The following C8orf34 variants were observed in gnomAD, a reference collection of about 807,000 sequenced individuals.
C8orf34 encodes uncharacterized protein C8orf34.
A neutral mutation model predicts 68.3 loss-of-function variants in C8orf34; 65 were observed. The ratio of observed to expected loss-of-function variants is 0.95; its 90% CI spans 0.78 to 1.17. The LOEUF is 1.17. C8orf34 is among the 50% of genes most tolerant of loss of function. The probability of loss-of-function intolerance (pLI) is 0.00; values close to 1 mark genes in which losing one functional copy is unlikely to be tolerated. For missense variants in C8orf34, 664 were observed against 655.4 expected (o/e 1.01, Z -0.14); for synonymous variants, 244 against 241.2 (o/e 1.01, Z -0.11).
Position 68,374,909 on chromosome 8 carries a change from T to C in C8orf34, c.327+43570T>C, listed in dbSNP as rs572805188. Among the ~76,000 whole-genome samples the C allele has an allele frequency of 2.0e-5, 3 of 152,322 alleles. No individual in the cohort carries two copies. In the South Asian group the frequency reaches 6.2e-4, roughly 32 times the overall value. On this transcript the variant is annotated intron_variant, in intron 1 of 13. Coordinates refer to ENST00000518698, the MANE Select transcript of C8orf34 (RefSeq NM_052958.4). ...ATGATAAAGTAAGGTAAATATTCTCTACCTTAATGTGTTGTTGTGAAGATT... is the reference window on the plus strand; with the variant it reads ...ATGATAAAGTAAGGTAAATATTCTCCACCTTAATGTGTTGTTGTGAAGATT...
At chr8:68,791,012 T>A (rs1217036376) in intron 12 of C8orf34, 1 of 596,990 alleles carries the variant, frequency 1.7e-6, no homozygotes, top group African/African-American at 1.9e-5. Context: ...CATCTATAAA[T>A]AAGTTTGAAT....
At position 68,548,013 on chromosome 8, in the gene C8orf34, C is replaced by G. The variant is rs73268437; in HGVS notation, c.1105+14864C>G. ...AATAAATGTAAAGAAAGAGAATGAACTTTGACCCTCTACGCCACAACAAAC... is the reference window on the plus strand; with the variant it reads ...AATAAATGTAAAGAAAGAGAATGAAGTTTGACCCTCTACGCCACAACAAAC... On this transcript the variant is annotated intron_variant, in intron 7 of 13. Coordinates refer to ENST00000518698, the MANE Select transcript of C8orf34 (RefSeq NM_052958.4). Among the ~76,000 whole-genome samples the G allele has an allele frequency of 8.2e-3, 1,252 of 151,810 alleles. 21 individuals carry two copies. The highest frequency in any genetic ancestry group is 0.028 in the African/African-American group (1,148 of 41,488).
intron 4 of C8orf34, among the ~76,000 whole-genome samples, chr8:68,471,653 C>A (rs931816160): frequency 1.3e-5 from 2 of 152,060 alleles, no homozygotes; most frequent in African/African-American, 2.4e-5. Context: ...CCTCCAGGTA[C>A]CTTCATAAGG....
intron 7 of C8orf34, chr8:68,535,546 T>C: frequency 2.2e-6 from 2 of 890,674 alleles, no homozygotes; most frequent in Non-Finnish European, 2.7e-6. Context: ...CTAGTAGAAG[T>C]TAGTAATAAC....
At chr8:68,756,849 T>C (rs1269500127) in intron 10 of C8orf34, among the ~76,000 whole-genome samples, 1 of 152,192 alleles carries the variant, frequency 6.6e-6, no homozygotes, top group Non-Finnish European at 1.5e-5. Flanking sequence ...AGGACTAGCT[T>C]GTTGCTCTAT....
At chr8:68,393,216 ATCTT>A (rs1464824908) in intron 1 of C8orf34, among the ~76,000 whole-genome samples, 1 of 152,108 alleles carries the variant, frequency 6.6e-6, no homozygotes, top group African/African-American at 2.4e-5. Context: ...TAAAGTCTTA[ATCTT>A]TTTCTAATAT....
chr8:68,483,043 A>T (rs1196766872), intron 4 of C8orf34, among the ~76,000 whole-genome samples: 1 of 152,196 alleles, frequency 6.6e-6, no homozygotes. Flanking sequence ...TACTATATGA[A>T]TCGAACCTAC....
chr8:68,482,846 T>G (rs991721346), intron 4 of C8orf34, among the ~76,000 whole-genome samples: 3 of 152,190 alleles, frequency 2.0e-5, no homozygotes, highest in Admixed American at 2.0e-4. Context: ...GAAGCCAGTA[T>G]GGGCCAGCTC....
intron 1 of C8orf34, among the ~76,000 whole-genome samples, chr8:68,365,039 C>T (rs1269462112): frequency 2.0e-5 from 3 of 150,882 alleles, no homozygotes; most frequent in African/African-American, 4.9e-5. Flanking sequence ...ATCAAATAGA[C>T]ACAATAAAAA....
At chr8:68,655,195 A>G (rs1819477351) in intron 8 of C8orf34, among the ~76,000 whole-genome samples, 1 of 152,176 alleles carries the variant, frequency 6.6e-6, no homozygotes, top group Non-Finnish European at 1.5e-5. Flanking sequence ...TTAGCTTTGG[A>G]TTTAATTTTG....
intron 1 of C8orf34, among the ~76,000 whole-genome samples, chr8:68,418,429 G>A (rs1234677085): frequency 6.6e-6 from 1 of 152,174 alleles, no homozygotes; most frequent in Non-Finnish European, 1.5e-5. Context: ...TTGGCTGTGG[G>A]TTTGTCATAG....
chr8:68,655,294 G>C (rs766546687), intron 8 of C8orf34, among the ~76,000 whole-genome samples: 1 of 151,812 alleles, frequency 6.6e-6, no homozygotes, highest in Admixed American at 6.6e-5. Flanking sequence ...GCTACTAAAA[G>C]GTAAAACATA....
intron 1 of C8orf34, among the ~76,000 whole-genome samples, chr8:68,420,163 C>T (rs1809896820): frequency 1.3e-5 from 2 of 150,944 alleles, no homozygotes; most frequent in Admixed American, 6.6e-5. Flanking sequence ...TTAAAGAGAC[C>T]ACCGAGAGGC....
intron 1 of C8orf34, among the ~76,000 whole-genome samples, chr8:68,361,321 G>A (rs1221779396): frequency 6.6e-6 from 1 of 152,180 alleles, no homozygotes; most frequent in Non-Finnish European, 1.5e-5. Flanking sequence ...TAAGGCCTTT[G>A]TACGCTGCAT....
chr8:68,486,487 CA>C (rs34369986), intron 4 of C8orf34, among the ~76,000 whole-genome samples: 1 of 151,818 alleles, frequency 6.6e-6, no homozygotes, highest in African/African-American at 2.4e-5. Context: ...TGACTTCTAC[CA>C]AAAAAAGAAT....
chr8:68,645,648 G>A (rs1470782239), intron 8 of C8orf34, among the ~76,000 whole-genome samples: 1 of 152,126 alleles, frequency 6.6e-6, no homozygotes, highest in Non-Finnish European at 1.5e-5. Context: ...CTTAATGAAT[G>A]TGTTGTGAAA....
chr8:68,710,821 G>A (rs932849596), intron 9 of C8orf34, among the ~76,000 whole-genome samples: 1 of 152,044 alleles, frequency 6.6e-6, no homozygotes, highest in South Asian at 2.1e-4. Flanking sequence ...GGGCCAATGA[G>A]CTCTTGAAAG....
chr8:68,407,742 T>C (rs1809261693), intron 1 of C8orf34, among the ~76,000 whole-genome samples: 1 of 152,196 alleles, frequency 6.6e-6, no homozygotes, highest in African/African-American at 2.4e-5. Context: ...TAATTTATAC[T>C]TTCCCATTTT....
At chr8:68,639,076 T>C (rs527634199) in intron 7 of C8orf34, among the ~76,000 whole-genome samples, 1 of 152,102 alleles carries the variant, frequency 6.6e-6, no homozygotes, top group Non-Finnish European at 1.5e-5. Context: ...GAAAAGTGTG[T>C]GTTCAGAGGG....
Sources: gnomAD v4.1 joint callset for allele counts (sites outside exome capture counted in the v4.1 genomes callset) on GRCh38, gnomAD v4.1.1 for gene constraint, MANE v1.5 for transcripts, NCBI Gene and HGNC (gene_info 2026-07-23, HGNC 2026-07-21) for gene names.